Variants in DDX1 observed in about 807,000 individuals in gnomAD.
The protein encoded by DDX1 is ATP-dependent RNA helicase DDX1.
Under a neutral mutation model 108.7 loss-of-function variants are expected in DDX1, and 28 were observed. The observed-to-expected ratio is 0.26, with a 90% CI of 0.19 to 0.35. DDX1 has a LOEUF of 0.35. Ranked by LOEUF, DDX1 falls within the 10% of genes least tolerant of loss-of-function variation. The probability of loss-of-function intolerance (pLI) is 1.00; values close to 1 mark genes in which losing one functional copy is unlikely to be tolerated. For synonymous variants in DDX1, 295 were observed against 288.9 expected (o/e 1.02, Z -0.21); for missense variants, 710 against 884.5 (o/e 0.80, Z 2.50).
At position 15,630,933 on chromosome 2, in the gene DDX1, A is replaced by G; in HGVS notation, c.*27A>G. On this transcript the variant is annotated 3_prime_UTR_variant, in exon 26 of 26. Coordinates refer to ENST00000233084, the MANE Select transcript of DDX1 (RefSeq NM_004939.3). The stretch of plus-strand genomic sequence containing the variant: ...TTTTACATTTACTGAATAAGATTTG[A>G]GTAATGAAAGTCTGTAGTCTTAAAA... The G allele has an allele frequency of 6.2e-7, 1 of 1,609,950 alleles. No homozygotes were observed. Among genetic ancestry groups the G allele is most frequent in the Non-Finnish European group, 8.5e-7 (1 of 1,176,810 alleles).
At chr2:15,609,841 A>G (rs1665724778) in intron 13 of DDX1, among the ~76,000 whole-genome samples, 1 of 152,204 alleles carries the variant, frequency 6.6e-6, no homozygotes, top group Non-Finnish European at 1.5e-5. Flanking sequence ...CCTCCCCTGG[A>G]TATACTGAAT....
At chr2:15,594,996 T>C in intron 1 of DDX1, 149 bp from the exon 2 acceptor site, 1 of 543,790 alleles carries the variant, frequency 1.8e-6, no homozygotes, top group Non-Finnish European at 3.2e-6. Flanking sequence ...CCAGAACTTG[T>C]GCTCTTTCAA....
At chr2:15,602,656 T>C (rs769294018) in intron 7 of DDX1, 25 bp downstream of exon 7, 1 of 1,525,246 alleles carries the variant, frequency 6.6e-7, no homozygotes. Flanking sequence ...TCTGCACTTG[T>C]ATAAACTTTT....
intron 1 of DDX1, among the ~76,000 whole-genome samples, chr2:15,593,097 T>A (rs2148735412): frequency 1.3e-5 from 2 of 152,170 alleles, no homozygotes; most frequent in Non-Finnish European, 2.9e-5. Flanking sequence ...ATTTTTGTAT[T>A]ATTAGTAGAG....
At chr2:15,628,325 T>G in intron 20 of DDX1, 120 bp from the exon 21 acceptor site, 1 of 716,206 alleles carries the variant, frequency 1.4e-6, no homozygotes, top group Non-Finnish European at 2.4e-6. Context: ...TATGTCGACC[T>G]CTAATCTGAT....
chr2:15,614,217 C>A (rs777829317), intron 14 of DDX1, among the ~76,000 whole-genome samples: 2 of 152,166 alleles, frequency 1.3e-5, no homozygotes, highest in Non-Finnish European at 2.9e-5. Context: ...TTATAAATTT[C>A]TCTTTTATTT....
At chr2:15,624,974 G>A (rs1666075580) in intron 19 of DDX1, among the ~76,000 whole-genome samples, 1 of 152,102 alleles carries the variant, frequency 6.6e-6, no homozygotes, top group African/African-American at 2.4e-5. Flanking sequence ...CAGGATAAAT[G>A]AAAACACATA....
At chr2:15,612,506 G>T (rs1437531328) in intron 13 of DDX1, among the ~76,000 whole-genome samples, 4 of 150,360 alleles carry the variant, frequency 2.7e-5, no homozygotes, top group Non-Finnish European at 5.9e-5. Flanking sequence ...GGGCAGAGAC[G>T]CTCCTCACTT....
intron 13 of DDX1, among the ~76,000 whole-genome samples, chr2:15,608,830 C>T (rs1665711792): frequency 1.3e-5 from 2 of 152,086 alleles, no homozygotes; most frequent in Non-Finnish European, 2.9e-5. Context: ...AGGCACATGC[C>T]ACTGTTTCAG....
At chr2:15,608,663 G>GTTTTT (rs569566545) in intron 13 of DDX1, among the ~76,000 whole-genome samples, 1,455 of 106,516 alleles carry the variant, frequency 0.014, 3 homozygotes, top group Non-Finnish European at 0.016. Flanking sequence ...TTTTTTTTAG[G>GTTTTT]TTTTTTTTTT....
chr2:15,602,704 T>C lies in DDX1; in HGVS notation c.391+73T>C, dbSNP rs1354015523. 10 of 1,186,538 alleles carry C rather than the reference T, an allele frequency of 8.4e-6. No individual in the cohort carries two copies. In the African/African-American group the frequency reaches 1.1e-4, roughly 13 times the overall value. The allele number at this position is 1,186,538 out of a possible 1,614,324, so 73.5% of individuals were successfully genotyped here. A position where few individuals can be genotyped will look rare whatever the true frequency, so the allele number is the denominator to read the frequency against. ...TAATACGTGAGGGTTTTTTTGTTGT[T>C]GTTTGTTTGTTTTTGAGATGGAGTC... On this transcript the variant is annotated intron_variant, in intron 7 of 25. Transcript: ENST00000233084.
chr2:15,625,579 G>A (rs1666087787), intron 19 of DDX1, among the ~76,000 whole-genome samples: 1 of 152,066 alleles, frequency 6.6e-6, no homozygotes, highest in Non-Finnish European at 1.5e-5. Context: ...GTAGATATGT[G>A]GTTAAAGCAA....
At chr2:15,598,045 A>G (rs569133227) in intron 5 of DDX1, among the ~76,000 whole-genome samples, 11 of 152,098 alleles carry the variant, frequency 7.2e-5, no homozygotes. Flanking sequence ...TCATCTTTAA[A>G]TTGTGTTGCT....
Position 15,595,306 on chromosome 2 carries a change from G to GT in DDX1, c.68+118dup, listed in dbSNP as rs1163633740. 213 of 1,037,480 alleles carry GT rather than the reference G, an allele frequency of 2.1e-4. 1 individual carries two copies. The Middle Eastern group carries it at 2.4e-3, about 12-fold the overall frequency. 64.3% of individuals were successfully genotyped at this position (1,037,480 alleles called of 1,614,324 possible). A position where few individuals can be genotyped will look rare whatever the true frequency, so the allele number is the denominator to read the frequency against. ...GTCTAGTTGGGTAAGTGAAAATCAG[G>GT]TTTTTTTTGTGATTTTCTAAATTAT... On this transcript the variant is annotated intron_variant, in intron 2 of 25. Coordinates refer to ENST00000233084, the MANE Select transcript of DDX1 (RefSeq NM_004939.3).
chr2:15,620,259 G>C lies in DDX1; in HGVS notation c.1258G>C (p.Glu420Gln). ...TTCTTTCGATGTAAAGAAACTGTCC[G>C]AGAAGATAATGCATTTTCCTACATG... Reference protein sequence around the residue: ...LHSFDVKKLSEKIMHFPTWVD... With the variant: ...LHSFDVKKLSQKIMHFPTWVD... Residue 420 changes from glutamate (E) to glutamine (Q), a missense_variant, in exon 17 of 26, where the codon GAG becomes CAG. Glu to Gln is a conservative substitution (Grantham distance 29). This residue lies in a region of DDX1 where 661 missense variants were observed against 810.2 expected (regional missense o/e 0.82). Transcript: ENST00000233084. 1 of 1,614,038 alleles carries C rather than the reference G, an allele frequency of 6.2e-7. No individual in the cohort carries two copies. Among genetic ancestry groups the C allele is most frequent in the Non-Finnish European group, 8.5e-7 (1 of 1,179,978 alleles).
intron 14 of DDX1, 77 bp from the exon 15 acceptor site, chr2:15,617,167 C>A: frequency 1.7e-6 from 1 of 589,156 alleles, no homozygotes; most frequent in Non-Finnish European, 2.9e-6. Flanking sequence ...ATTAAAAAGA[C>A]AGTTATTGGT....
At chr2:15,604,277 A>C (rs1434249498) in intron 9 of DDX1, among the ~76,000 whole-genome samples, 160 bp from the exon 10 acceptor site, 2 of 152,228 alleles carry the variant, frequency 1.3e-5, no homozygotes, top group Non-Finnish European at 2.9e-5. Context: ...GATTCTAACA[A>C]GCCTGTCAAA....
rs1266628612 is a variant in DDX1 at position 15,611,977 on chromosome 2, C to T, written c.957-1247C>T. 1.8e-4 allele frequency among the ~76,000 whole-genome samples: 25 copies of T among 135,600 alleles called. 1 individual carries two copies. In the South Asian group the frequency reaches 5.6e-3, roughly 30 times the overall value. The allele number at this position is 135,600 out of a possible 152,430, so 89.0% of individuals were successfully genotyped here. On this transcript the variant is annotated intron_variant, in intron 13 of 25. Coordinates refer to ENST00000233084, the MANE Select transcript of DDX1 (RefSeq NM_004939.3). ...CCGGGCGGGGGGCTGACCCCACCAC[C>T]TCCCTCCCGGACAGGGCGGCTGGCC...
At chr2:15,609,353 T>C (rs1363368073) in intron 13 of DDX1, among the ~76,000 whole-genome samples, 18 of 152,220 alleles carry the variant, frequency 1.2e-4, no homozygotes, top group African/African-American at 3.9e-4. Flanking sequence ...ACATTTTCTT[T>C]CTTAAAACCC....
Sources: gnomAD v4.1 joint callset for allele counts (sites outside exome capture counted in the v4.1 genomes callset) on GRCh38, gnomAD v4.1.1 for gene constraint, gnomAD v4.1.1 regional missense constraint, MANE v1.5 for transcripts, NCBI Gene and HGNC (gene_info 2026-07-23, HGNC 2026-07-21) for gene names.